CCSER1: variants seen among roughly 807,000 people sequenced by gnomAD.
CCSER1 encodes coiled-coil serine rich protein 1.
A neutral mutation model predicts 82.0 loss-of-function variants in CCSER1; 41 were observed. The observed-to-expected ratio is 0.50, with a 90% CI of 0.39 to 0.65. The LOEUF (loss-of-function observed/expected upper bound fraction) is 0.65. Ranked by LOEUF, CCSER1 falls within the 30% of genes least tolerant of loss-of-function variation. The pLI is 0.00. For synonymous variants in CCSER1, 414 were observed against 383.9 expected (o/e 1.08, Z -0.92); for missense variants, 1,119 against 1,064.2 (o/e 1.05, Z -0.72).
chr4:91,386,185 A>G lies in CCSER1; in HGVS notation c.2218-212387A>G, dbSNP rs190836213. The stretch of plus-strand genomic sequence containing the variant: ...TGGCTGATTACAGAACTGGGGCAAC[A>G]AGAGTCCAAGGTAAGCCTGGAGAAA... On this transcript the variant is annotated intron_variant, in intron 10 of 10. Transcript: ENST00000509176. 6.6e-4 allele frequency among the ~76,000 whole-genome samples: 101 copies of G among 151,950 alleles called. 1 individual carries two copies. Among genetic ancestry groups the G allele is most frequent in the Admixed American group, 6.5e-3 (99 of 15,218 alleles).
chr4:91,384,862 A>ATG (rs939358144), intron 10 of CCSER1, among the ~76,000 whole-genome samples: 2 of 152,098 alleles, frequency 1.3e-5, no homozygotes, highest in African/African-American at 4.8e-5. Flanking sequence ...ACTTTAAATG[A>ATG]TGAGAAAAAC....
At chr4:91,271,450 A>G (rs1037773268) in intron 10 of CCSER1, among the ~76,000 whole-genome samples, 1 of 151,972 alleles carries the variant, frequency 6.6e-6, no homozygotes, top group Non-Finnish European at 1.5e-5. Flanking sequence ...CCTGAGGTCC[A>G]TTGTGTCATT....
chr4:90,483,108 T>C (rs901577981), intron 5 of CCSER1, among the ~76,000 whole-genome samples: 1 of 152,208 alleles, frequency 6.6e-6, no homozygotes, highest in African/African-American at 2.4e-5. Flanking sequence ...GTTGAATTGA[T>C]CCCTTTACCA....
At chr4:90,306,061 A>G (rs1579082050) in intron 1 of CCSER1, among the ~76,000 whole-genome samples, 1 of 152,230 alleles carries the variant, frequency 6.6e-6, no homozygotes, top group East Asian at 1.9e-4. Flanking sequence ...GCTCAATGAA[A>G]TAACCTAGAC....
At chr4:90,852,240 G>A (rs193164505) in intron 8 of CCSER1, among the ~76,000 whole-genome samples, 272 of 152,274 alleles carry the variant, frequency 1.8e-3, no homozygotes, top group Non-Finnish European at 2.9e-3. Context: ...GCTGAATAGC[G>A]TATAATTATG....
chr4:91,246,280 A>C (rs1244055886), intron 10 of CCSER1, among the ~76,000 whole-genome samples: 1 of 152,226 alleles, frequency 6.6e-6, no homozygotes, highest in Non-Finnish European at 1.5e-5. Flanking sequence ...TTGTATACAG[A>C]ATCAGTGTTG....
chr4:90,911,813 C>T (rs898879580), intron 8 of CCSER1, among the ~76,000 whole-genome samples: 49 of 152,138 alleles, frequency 3.2e-4, no homozygotes, highest in African/African-American at 9.9e-4. Flanking sequence ...TCTTAGCAAA[C>T]GGCACACCAG....
intron 5 of CCSER1, among the ~76,000 whole-genome samples, chr4:90,518,548 C>A (rs1467476521): frequency 6.6e-6 from 1 of 152,022 alleles, no homozygotes; most frequent in Non-Finnish European, 1.5e-5. Context: ...AGTGCTTCCA[C>A]TTAAGTGTCC....
chr4:90,961,788 A>G (rs1734076539), intron 9 of CCSER1, among the ~76,000 whole-genome samples: 1 of 152,094 alleles, frequency 6.6e-6, no homozygotes, highest in Non-Finnish European at 1.5e-5. Flanking sequence ...TATTCTTAAT[A>G]GGCTTCAATG....
chr4:90,868,574 T>A (rs1413160058), intron 8 of CCSER1, among the ~76,000 whole-genome samples: 1 of 152,114 alleles, frequency 6.6e-6, no homozygotes, highest in African/African-American at 2.4e-5. Flanking sequence ...TGTGTGTGTG[T>A]ACCACCTTTT....
chr4:90,420,935 A>G (rs931166905), intron 4 of CCSER1, among the ~76,000 whole-genome samples: 3 of 152,144 alleles, frequency 2.0e-5, no homozygotes, highest in African/African-American at 7.2e-5. Flanking sequence ...GCCTCTTACA[A>G]TTATGTGGTG....
At chr4:90,907,209 G>A (rs1247278507) in intron 8 of CCSER1, among the ~76,000 whole-genome samples, 3 of 152,080 alleles carry the variant, frequency 2.0e-5, no homozygotes, top group Non-Finnish European at 4.4e-5. Flanking sequence ...TCAATAAGAA[G>A]CAGAGTATGT....
chr4:90,766,464 G>A (rs146856156), intron 7 of CCSER1, among the ~76,000 whole-genome samples: 1,598 of 152,008 alleles, frequency 0.011, 30 homozygotes, highest in African/African-American at 0.037. Flanking sequence ...TTTATATTTA[G>A]TGAATATACA....
intron 9 of CCSER1, among the ~76,000 whole-genome samples, chr4:91,080,654 A>T (rs991454116): frequency 2.0e-4 from 31 of 152,162 alleles, no homozygotes; most frequent in African/African-American, 7.5e-4. Context: ...GATCAACAAA[A>T]TTGATAGACC....
At chr4:90,297,844 C>A (rs1414048215) in intron 1 of CCSER1, among the ~76,000 whole-genome samples, 1 of 151,958 alleles carries the variant, frequency 6.6e-6, no homozygotes, top group African/African-American at 2.4e-5. Flanking sequence ...GGAATGAAGC[C>A]CACTTGATCA....
intron 4 of CCSER1, among the ~76,000 whole-genome samples, chr4:90,437,027 T>A (rs1759106438): frequency 6.6e-6 from 1 of 152,076 alleles, no homozygotes; most frequent in African/African-American, 2.4e-5. Context: ...TTCACCGTGT[T>A]AGCCAGGATG....
chr4:91,359,702 C>G (rs745644165), intron 10 of CCSER1, among the ~76,000 whole-genome samples: 44 of 151,534 alleles, frequency 2.9e-4, no homozygotes, highest in Non-Finnish European at 5.5e-4. Context: ...TCTTGCGTTG[C>G]TGTAGTGAAA....
intron 8 of CCSER1, among the ~76,000 whole-genome samples, chr4:90,900,360 G>A (rs1724453102): frequency 6.6e-6 from 1 of 151,662 alleles, no homozygotes. Flanking sequence ...ATTTTTCTTG[G>A]TTAATGTAGC....
At chr4:90,896,660 T>C in intron 8 of CCSER1, among the ~76,000 whole-genome samples, 1 of 152,030 alleles carries the variant, frequency 6.6e-6, no homozygotes, top group Middle Eastern at 3.4e-3. Context: ...TTTTTAAATA[T>C]AAATCCAATA....
Sources: gnomAD v4.1 joint callset for allele counts (sites outside exome capture counted in the v4.1 genomes callset) on GRCh38, gnomAD v4.1.1 for gene constraint, MANE v1.5 for transcripts, NCBI Gene and HGNC (gene_info 2026-07-23, HGNC 2026-07-21) for gene names.